CSMD1: variants seen among roughly 807,000 people sequenced by gnomAD.
The protein encoded by CSMD1 is CUB and sushi domain-containing protein 1.
In CSMD1, 213 loss-of-function variants were observed where a neutral mutation model predicts 417.5. The ratio of observed to expected loss-of-function variants is 0.51; its 90% CI spans 0.46 to 0.57. The LOEUF is 0.57. Among genes scored for constraint, CSMD1 ranks in the 20% least tolerant of loss-of-function variants. The probability of loss-of-function intolerance (pLI) is 0.00; values close to 1 mark genes in which losing one functional copy is unlikely to be tolerated. For missense variants in CSMD1, 6,923 were observed against 4,529.7 expected (o/e 1.53, Z -15.17); for synonymous variants, 2,862 against 1,736.8 (o/e 1.65, Z -16.11).
At chr8:3,705,528 G>A (rs1801120648) in intron 7 of CSMD1, among the ~76,000 whole-genome samples, 2 of 152,124 alleles carry the variant, frequency 1.3e-5, no homozygotes, top group South Asian at 2.1e-4. Context: ...ACTCCCAGGG[G>A]AGTCTTCTGA....
At chr8:4,840,906 C>T (rs1389665074) in intron 1 of CSMD1, among the ~76,000 whole-genome samples, 1 of 152,196 alleles carries the variant, frequency 6.6e-6, no homozygotes, top group African/African-American at 2.4e-5. Context: ...TCAATCAACA[C>T]CACTACTGTA....
chr8:4,030,349 A>G (rs1797279483), intron 4 of CSMD1, among the ~76,000 whole-genome samples: 1 of 152,210 alleles, frequency 6.6e-6, no homozygotes, highest in South Asian at 2.1e-4. Context: ...TTCCTCTGAA[A>G]TCTAGGCAAA....
chr8:3,331,425 A>C (rs924186011), intron 23 of CSMD1, among the ~76,000 whole-genome samples: 1 of 152,050 alleles, frequency 6.6e-6, no homozygotes, highest in African/African-American at 2.4e-5. Context: ...TGCGGTGAAA[A>C]CACAGAATGC....
intron 1 of CSMD1, among the ~76,000 whole-genome samples, chr8:4,954,521 C>A (rs1808961389): frequency 6.6e-6 from 1 of 152,094 alleles, no homozygotes; most frequent in Non-Finnish European, 1.5e-5. Context: ...CACCTCAATT[C>A]ATCTATAGAT....
intron 23 of CSMD1, among the ~76,000 whole-genome samples, chr8:3,309,650 C>T (rs1399114829): frequency 2.0e-5 from 3 of 152,166 alleles, no homozygotes; most frequent in Non-Finnish European, 4.4e-5. Context: ...ACTTGAGGGA[C>T]CACATGGTCT....
At chr8:3,329,034 T>C (rs575051736) in intron 23 of CSMD1, among the ~76,000 whole-genome samples, 5 of 152,008 alleles carry the variant, frequency 3.3e-5, no homozygotes, top group Non-Finnish European at 7.4e-5. Flanking sequence ...AAAATTTACC[T>C]AAATATGGAG....
At chr8:4,214,280 T>G (rs1800498939) in intron 3 of CSMD1, among the ~76,000 whole-genome samples, 1 of 152,206 alleles carries the variant, frequency 6.6e-6, no homozygotes, top group Admixed American at 6.5e-5. Context: ...TTTTACCTTA[T>G]TAAAATTAGT....
At chr8:3,693,887 T>A (rs900459283) in intron 7 of CSMD1, among the ~76,000 whole-genome samples, 2 of 150,972 alleles carry the variant, frequency 1.3e-5, no homozygotes, top group African/African-American at 4.9e-5. Context: ...GTATGTTGAA[T>A]ATAGATGTGT....
intron 3 of CSMD1, among the ~76,000 whole-genome samples, chr8:4,265,364 T>C (rs80137543): frequency 4.5e-5 from 2 of 44,788 alleles, no homozygotes; most frequent in African/African-American, 7.5e-5. Context: ...CTGCACAGTA[T>C]CATTTGACAT....
At chr8:3,307,136 A>G (rs992206670) in intron 25 of CSMD1, among the ~76,000 whole-genome samples, 14 of 152,096 alleles carry the variant, frequency 9.2e-5, no homozygotes, top group African/African-American at 3.4e-4. Flanking sequence ...GTATTTCTTC[A>G]TATCTTGAGT....
In CSMD1 at chr8:4,007,309, C is replaced by G. The variant is rs535941903; in HGVS notation, c.611-9199G>C. On this transcript the variant is annotated intron_variant, in intron 4 of 69. Coordinates refer to ENST00000635120, the MANE Select transcript of CSMD1 (RefSeq NM_033225.6). ...ATGTGAGCTGGAATGTTGGCTTCTTCTGTTCCTCATCCTCCACCTCCTTTG... is the reference window on the plus strand; with the variant it reads ...ATGTGAGCTGGAATGTTGGCTTCTTGTGTTCCTCATCCTCCACCTCCTTTG... 1.1e-4 allele frequency among the ~76,000 whole-genome samples: 17 copies of G among 152,332 alleles called. No homozygotes were observed. The South Asian group carries it at 3.5e-3, about 32-fold the overall frequency.
At chr8:4,334,738 C>A (rs6996351) in intron 3 of CSMD1, among the ~76,000 whole-genome samples, 1 of 152,048 alleles carries the variant, frequency 6.6e-6, no homozygotes, top group Admixed American at 6.5e-5. Flanking sequence ...GATACTTGAA[C>A]GATACGCTCG....
intron 3 of CSMD1, among the ~76,000 whole-genome samples, chr8:4,296,892 A>T (rs567116896): frequency 6.6e-6 from 1 of 152,222 alleles, no homozygotes; most frequent in Admixed American, 6.5e-5. Flanking sequence ...AAAAATGCTC[A>T]TCTCATGGAG....
At chr8:4,720,991 TG>T (rs1373743201) in intron 1 of CSMD1, among the ~76,000 whole-genome samples, 3 of 152,186 alleles carry the variant, frequency 2.0e-5, no homozygotes, top group African/African-American at 7.2e-5. Context: ...AATTTTTATT[TG>T]AATGGAATTT....
At chr8:3,723,448 A>G (rs1563311791) in intron 6 of CSMD1, among the ~76,000 whole-genome samples, 2 of 152,224 alleles carry the variant, frequency 1.3e-5, no homozygotes, top group African/African-American at 2.4e-5. Flanking sequence ...CCAAGAGCAT[A>G]GATCATGGGA....
chr8:3,378,085 T>G (rs1810421054), intron 18 of CSMD1, among the ~76,000 whole-genome samples: 2 of 152,152 alleles, frequency 1.3e-5, no homozygotes, highest in Non-Finnish European at 2.9e-5. Flanking sequence ...AGAAGGGTAT[T>G]GAATATTGGA....
Position 3,284,166 on chromosome 8 carries a change from A to G in CSMD1, c.4131T>C (p.Ser1377=). 1.3e-6 allele frequency: 2 copies of G among 1,575,852 alleles called. No individual in the cohort carries two copies. Among genetic ancestry groups the G allele is most frequent in the Non-Finnish European group, 1.7e-6 (2 of 1,161,044 alleles). The part of the protein sequence containing the change: ...QFDSDFFISK[S]GFSIQFSTSI... Reference sequence around the variant, plus strand: ...TACTGGAGAACTGGATGGAGAAGCCAGACTTGCTGATGAAGAAGTCGCTGT... The same window carrying G: ...TACTGGAGAACTGGATGGAGAAGCCGGACTTGCTGATGAAGAAGTCGCTGT... The change falls in exon 26 of 70, where the codon TCT becomes TCC. Residue 1377 remains serine, a synonymous_variant. Transcript: ENST00000635120.
chr8:3,957,097 A>G (rs1451571095), intron 5 of CSMD1, among the ~76,000 whole-genome samples: 1 of 150,570 alleles, frequency 6.6e-6, no homozygotes, highest in African/African-American at 2.4e-5. Context: ...ATGTCTTTGG[A>G]AACTATTTCC....
chr8:4,382,341 A>T (rs1393767523), intron 3 of CSMD1, among the ~76,000 whole-genome samples: 2 of 152,246 alleles, frequency 1.3e-5, no homozygotes, highest in East Asian at 1.9e-4. Flanking sequence ...ACCAGTGCTC[A>T]TGACTGGTCG....
Sources: gnomAD v4.1 joint callset for allele counts (sites outside exome capture counted in the v4.1 genomes callset) on GRCh38, gnomAD v4.1.1 for gene constraint, MANE v1.5 for transcripts, NCBI Gene and HGNC (gene_info 2026-07-23, HGNC 2026-07-21) for gene names.